Variants in AGBL1 observed in about 807,000 individuals in gnomAD.
AGBL1 encodes cytosolic carboxypeptidase 4.
In AGBL1, 130 loss-of-function variants were observed where a neutral mutation model predicts 118.9. The observed-to-expected ratio is 1.09, with a 90% CI of 0.95 to 1.26. The LOEUF is 1.26. Ranked by LOEUF, AGBL1 falls within the 50% of genes most tolerant of loss-of-function variation. The pLI is 0.00. For synonymous variants in AGBL1, 555 were observed against 478.9 expected, an observed-to-expected ratio of 1.16 and a Z score of -2.08; for missense variants, 1,584 against 1,298.1, an observed-to-expected ratio of 1.22 and a Z score of -3.38.
At chr15:86,737,487 T>C (rs2077618892) in intron 22 of AGBL1, among the ~76,000 whole-genome samples, 1 of 152,196 alleles carries the variant, frequency 6.6e-6, no homozygotes, top group South Asian at 2.1e-4. Context: ...AATGGAGGTT[T>C]CAAAAGCCTA....
rs1414541716 is a variant in AGBL1, at chr15:86,776,742, A to ATG, written c.3158+102307_3158+102308insGT. On this transcript the variant is annotated intron_variant, in intron 22 of 22. Transcript: ENST00000614907. Reference sequence around the variant, plus strand: ...CTGTGAATCAATGGCTTAGAATTATATATATATATGTGTGTGTGTGTGTGT... The same window carrying ATG: ...CTGTGAATCAATGGCTTAGAATTATATGTATATATATGTGTGTGTGTGTGTGT... 3.9e-4 allele frequency among the ~76,000 whole-genome samples: 43 copies of ATG among 109,830 alleles called. No individual in the cohort carries two copies. The East Asian group carries it at 0.017, about 45-fold the overall frequency. 72.1% of individuals were successfully genotyped at this position (109,830 alleles called of 152,430 possible). A position where few individuals can be genotyped will look rare whatever the true frequency, so the allele number is the denominator to read the frequency against.
At chr15:86,328,221 T>C (rs1223532444) in intron 17 of AGBL1, among the ~76,000 whole-genome samples, 1 of 151,958 alleles carries the variant, frequency 6.6e-6, no homozygotes, top group African/African-American at 2.4e-5. Context: ...TTGTGATTCT[T>C]CTCCCACAAC....
Position 86,264,138 on chromosome 15 carries a change from G to A in AGBL1, c.1087-120G>A, listed in dbSNP as rs576724386. 1.1e-5 allele frequency: 9 copies of A among 838,914 alleles called. No individual in the cohort carries two copies. In the East Asian group the frequency reaches 2.4e-4, roughly 23 times the overall value. The allele number at this position is 838,914 out of a possible 1,614,324, so 52.0% of individuals were successfully genotyped here. On this transcript the variant is annotated intron_variant, in intron 10 of 22. Coordinates refer to ENST00000614907, the MANE Select transcript of AGBL1 (RefSeq NM_001386094.1). ...TAGTCTTTAGTTGACCTTGGAAAAAGCTTCCACATTCACAGGATTTATGCT... is the reference window on the plus strand; with the variant it reads ...TAGTCTTTAGTTGACCTTGGAAAAAACTTCCACATTCACAGGATTTATGCT...
intron 5 of AGBL1, among the ~76,000 whole-genome samples, chr15:86,170,262 CA>C (rs2077395860): frequency 6.6e-6 from 1 of 151,970 alleles, no homozygotes; most frequent in Admixed American, 6.6e-5. Flanking sequence ...TTAGATGTGG[CA>C]GAAGAGAAGA....
chr15:86,238,698 A>G (rs2078594116), intron 6 of AGBL1, among the ~76,000 whole-genome samples: 1 of 152,242 alleles, frequency 6.6e-6, no homozygotes. Context: ...ATGTGGATAA[A>G]CATATGCCTG....
chr15:86,958,683 T>C (rs891033257), intron 23 of AGBL1, among the ~76,000 whole-genome samples: 15 of 152,188 alleles, frequency 9.9e-5, no homozygotes, highest in African/African-American at 3.1e-4. Context: ...ATCAGCACTT[T>C]CTATAAATCG....
intron 1 of AGBL1, among the ~76,000 whole-genome samples, chr15:86,134,754 C>T (rs1302803335): frequency 6.6e-6 from 1 of 151,802 alleles, no homozygotes; most frequent in Non-Finnish European, 1.5e-5. Context: ...GCTAGGATTA[C>T]AGGCACGTGC....
At chr15:86,700,548 G>C (rs1002515213) in intron 22 of AGBL1, among the ~76,000 whole-genome samples, 1 of 150,762 alleles carries the variant, frequency 6.6e-6, no homozygotes, top group Non-Finnish European at 1.5e-5. Context: ...TTGACAAGAA[G>C]TAGTTTAGGC....
intron 1 of AGBL1, among the ~76,000 whole-genome samples, chr15:86,124,322 T>A (rs1898275061): frequency 8.2e-6 from 1 of 121,434 alleles, no homozygotes; most frequent in South Asian, 2.6e-4. Context: ...AGAGTGAGAC[T>A]CTGTCTCAAA....
At chr15:86,203,741 T>C (rs1452089435) in intron 5 of AGBL1, among the ~76,000 whole-genome samples, 3 of 152,344 alleles carry the variant, frequency 2.0e-5, no homozygotes, top group South Asian at 2.1e-4. Context: ...ATTACCTCCA[T>C]TGTTACGGAG....
chr15:86,704,665 C>T (rs539938152), intron 22 of AGBL1, among the ~76,000 whole-genome samples: 96 of 152,260 alleles, frequency 6.3e-4, no homozygotes, highest in Admixed American at 3.5e-3. Flanking sequence ...GAAACAGGAA[C>T]GCTTTTACAT....
At chr15:86,986,286 A>G (rs1019286108) in intron 23 of AGBL1, among the ~76,000 whole-genome samples, 1 of 152,180 alleles carries the variant, frequency 6.6e-6, no homozygotes, top group Non-Finnish European at 1.5e-5. Context: ...TATTTCTTCT[A>G]TTGTCTAGGT....
intron 18 of AGBL1, among the ~76,000 whole-genome samples, chr15:86,459,793 C>T (rs1454888478): frequency 6.6e-6 from 1 of 152,094 alleles, no homozygotes; most frequent in Non-Finnish European, 1.5e-5. Flanking sequence ...CCGCATTCTG[C>T]CCTTTGAAAT....
At chr15:86,851,922 G>A (rs1394764618) in intron 22 of AGBL1, among the ~76,000 whole-genome samples, 4 of 152,104 alleles carry the variant, frequency 2.6e-5, no homozygotes, top group Admixed American at 2.6e-4. Context: ...AGCAGTGGCA[G>A]GTTTTTATTT....
At chr15:86,837,011 C>G (rs922120665) in intron 22 of AGBL1, among the ~76,000 whole-genome samples, 7 of 152,164 alleles carry the variant, frequency 4.6e-5, no homozygotes, top group African/African-American at 1.7e-4. Context: ...GCAGTGCTCA[C>G]AGTTACACCT....
intron 18 of AGBL1, among the ~76,000 whole-genome samples, chr15:86,466,301 T>C (rs1218699447): frequency 1.3e-5 from 2 of 152,050 alleles, no homozygotes; most frequent in Non-Finnish European, 2.9e-5. Flanking sequence ...GATACTTGCA[T>C]ATGCTTCATG....
chr15:86,485,057 C>T (rs1017524087), intron 18 of AGBL1, among the ~76,000 whole-genome samples: 1 of 152,138 alleles, frequency 6.6e-6, no homozygotes, highest in Non-Finnish European at 1.5e-5. Flanking sequence ...GAGCAGAGCA[C>T]ATCCAGCCAA....
At chr15:86,738,509 T>C (rs946838935) in intron 22 of AGBL1, among the ~76,000 whole-genome samples, 3 of 152,126 alleles carry the variant, frequency 2.0e-5, no homozygotes, top group Non-Finnish European at 4.4e-5. Context: ...CTCTTAGAAA[T>C]GGTAAACAAA....
At chr15:86,350,869 T>C (rs2080614711) in intron 17 of AGBL1, among the ~76,000 whole-genome samples, 1 of 152,236 alleles carries the variant, frequency 6.6e-6, no homozygotes, top group Non-Finnish European at 1.5e-5. Context: ...TGGTGGCTTA[T>C]GCCCTAATGG....
Sources: gnomAD v4.1 joint callset for allele counts (sites outside exome capture counted in the v4.1 genomes callset) on GRCh38, gnomAD v4.1.1 for gene constraint, MANE v1.5 for transcripts, NCBI Gene and HGNC (gene_info 2026-07-23, HGNC 2026-07-21) for gene names.